The following PDE4D variants were observed in gnomAD, a reference collection of about 807,000 sequenced individuals.
The protein encoded by PDE4D is 3',5'-cyclic-AMP phosphodiesterase 4D.
PDE4D carries 24 observed loss-of-function variants against 87.4 expected under a neutral mutation model. The observed-to-expected ratio is 0.27, with a 90% CI of 0.20 to 0.39. The LOEUF is 0.39. Ranked by LOEUF, PDE4D falls within the 10% of genes least tolerant of loss-of-function variation. The pLI is 1.00. For synonymous variants in PDE4D, 384 were observed against 383.2 expected, an observed-to-expected ratio of 1.00 and a Z score of -0.02; for missense variants, 714 against 1,041.0, an observed-to-expected ratio of 0.69 and a Z score of 4.32.
chr5:59,243,569 C>T lies in PDE4D; in HGVS notation c.456-27601G>A, dbSNP rs531990341. ...CTGCTTCCCAGGTTCAAGTGATTCT[C>T]CTGCCTCAGTCTCCTGAGTAGCTGG... On this transcript the variant is annotated intron_variant, in intron 1 of 14. Coordinates refer to ENST00000340635, the MANE Select transcript of PDE4D (RefSeq NM_001104631.2). Among the ~76,000 whole-genome samples the T allele has an allele frequency of 2.9e-4, 41 of 141,072 alleles. No homozygotes were observed. The Middle Eastern group carries it at 0.013, about 44-fold the overall frequency. 92.5% of individuals were successfully genotyped at this position (141,072 alleles called of 152,430 possible). A position where few individuals can be genotyped will look rare whatever the true frequency, so the allele number is the denominator to read the frequency against.
intron 1 of PDE4D, among the ~76,000 whole-genome samples, chr5:59,469,282 C>A (rs1470226862): frequency 6.6e-6 from 1 of 152,018 alleles, no homozygotes; most frequent in Non-Finnish European, 1.5e-5. Context: ...GAGCTGAGAT[C>A]ACGCCACCGC....
intron 1 of PDE4D, among the ~76,000 whole-genome samples, chr5:60,238,759 T>G (rs1398732563): frequency 6.6e-6 from 1 of 152,078 alleles, no homozygotes; most frequent in South Asian, 2.1e-4. Context: ...TTTTTGTTGG[T>G]TGTATATACT....
chr5:60,281,428 T>C (rs1265154390), intron 1 of PDE4D, among the ~76,000 whole-genome samples: 3 of 152,170 alleles, frequency 2.0e-5, no homozygotes, highest in Non-Finnish European at 4.4e-5. Context: ...TCCTAAAAAG[T>C]CACTAAATGT....
intron 3 of PDE4D, among the ~76,000 whole-genome samples, chr5:59,980,184 C>T (rs909094482): frequency 3.3e-5 from 5 of 152,092 alleles, no homozygotes; most frequent in Non-Finnish European, 2.9e-5. Context: ...GAATTATAAG[C>T]TCTCCTTAAA....
chr5:59,202,288 C>A (rs1386199147), intron 2 of PDE4D, among the ~76,000 whole-genome samples: 1 of 152,054 alleles, frequency 6.6e-6, no homozygotes, highest in Non-Finnish European at 1.5e-5. Flanking sequence ...GATCCACCTG[C>A]CTCGGCCTCC....
chr5:60,048,780 T>C (rs1769677732), intron 2 of PDE4D, among the ~76,000 whole-genome samples: 1 of 152,156 alleles, frequency 6.6e-6, no homozygotes, highest in African/African-American at 2.4e-5. Flanking sequence ...CCGACCTTTC[T>C]CTCTGGCTGC....
In PDE4D at chr5:60,342,600, G is replaced by T. The variant is rs114466322; in HGVS notation, c.-90+145342C>A. Among the ~76,000 whole-genome samples, 977 of 152,180 alleles carry T rather than the reference G, an allele frequency of 6.4e-3. 7 individuals are homozygous for T. The highest frequency in any genetic ancestry group is 0.023 in the African/African-American group (941 of 41,512). The stretch of plus-strand genomic sequence containing the variant: ...TACTTAGTTGGGATCTGGTCTTAAA[G>T]GTGAAGAATACAGAACCAGAGAAAA... On this transcript the variant is annotated intron_variant, in intron 1 of 16. Transcript: ENST00000502484.
At chr5:59,958,185 A>C (rs1759069343) in intron 3 of PDE4D, among the ~76,000 whole-genome samples, 3 of 152,180 alleles carry the variant, frequency 2.0e-5, no homozygotes, top group Admixed American at 1.3e-4. Context: ...ATACAGTTTA[A>C]CTGTGATATT....
intron 1 of PDE4D, among the ~76,000 whole-genome samples, chr5:59,875,470 A>AAAG (rs1561800736): frequency 1.3e-5 from 2 of 148,876 alleles, no homozygotes; most frequent in Non-Finnish European, 3.0e-5. Flanking sequence ...CAAAAAAAAA[A>AAAG]AAAAAAAAAA....
intron 1 of PDE4D, among the ~76,000 whole-genome samples, chr5:59,524,718 C>T (rs1331704863): frequency 6.6e-6 from 1 of 152,154 alleles, no homozygotes; most frequent in Non-Finnish European, 1.5e-5. Flanking sequence ...GGAGGAAAGA[C>T]TTTATTTTGT....
intron 3 of PDE4D, among the ~76,000 whole-genome samples, chr5:59,900,537 GT>G (rs1486569935): frequency 2.6e-5 from 4 of 152,074 alleles, no homozygotes; most frequent in Non-Finnish European, 5.9e-5. Context: ...GCATTGAAAT[GT>G]CTATAAAATC....
intron 2 of PDE4D, among the ~76,000 whole-genome samples, chr5:60,151,800 G>A (rs1446699973): frequency 2.0e-5 from 3 of 152,134 alleles, no homozygotes; most frequent in African/African-American, 7.2e-5. Context: ...GGCAAAAATG[G>A]ATGTCCTTGC....
At chr5:59,977,660 A>G (rs750006519) in intron 3 of PDE4D, among the ~76,000 whole-genome samples, 10 of 152,216 alleles carry the variant, frequency 6.6e-5, no homozygotes, top group Non-Finnish European at 1.3e-4. Context: ...ACTAAGATCA[A>G]TGATGAAGGC....
At chr5:59,413,118 G>A (rs547357573) in intron 1 of PDE4D, among the ~76,000 whole-genome samples, 1 of 152,256 alleles carries the variant, frequency 6.6e-6, no homozygotes, top group South Asian at 2.1e-4. Flanking sequence ...AGAAACTCAA[G>A]TGTCATTTGT....
chr5:60,091,553 A>G (rs1213217280), intron 2 of PDE4D, among the ~76,000 whole-genome samples: 1 of 152,224 alleles, frequency 6.6e-6, no homozygotes, highest in Non-Finnish European at 1.5e-5. Flanking sequence ...AAATTAGTAC[A>G]GCTCCTGTGA....
chr5:59,418,004 TAAAAG>T (rs1329105589), intron 1 of PDE4D, among the ~76,000 whole-genome samples: 2 of 152,202 alleles, frequency 1.3e-5, no homozygotes, highest in Non-Finnish European at 2.9e-5. Flanking sequence ...ACATAGAACT[TAAAAG>T]AATACAAAAT....
chr5:59,081,513 T>G (rs1383145244), intron 5 of PDE4D, among the ~76,000 whole-genome samples: 1 of 28,408 alleles, frequency 3.5e-5, no homozygotes, highest in Non-Finnish European at 8.1e-5. Flanking sequence ...CAGGAAGTAA[T>G]CAGGTAAAAA....
chr5:60,161,374 A>G (rs550500008), intron 2 of PDE4D, among the ~76,000 whole-genome samples: 1 of 152,290 alleles, frequency 6.6e-6, no homozygotes, highest in African/African-American at 2.4e-5. Flanking sequence ...CTCACCATCC[A>G]GAATTAATAA....
At chr5:59,004,650 T>C (rs917062256) in intron 6 of PDE4D, among the ~76,000 whole-genome samples, 5 of 152,268 alleles carry the variant, frequency 3.3e-5, no homozygotes, top group African/African-American at 1.2e-4. Flanking sequence ...TTAATACTTA[T>C]ACGTAAAAAG....
Sources: allele counts gnomAD v4.1 joint callset (sites outside exome capture counted in the v4.1 genomes callset), GRCh38; gene constraint gnomAD v4.1.1; transcripts MANE v1.5; gene names NCBI Gene and HGNC (gene_info 2026-07-23, HGNC 2026-07-21).